ARHGAP26: variants seen among roughly 807,000 people sequenced by gnomAD.
ARHGAP26 encodes rho GTPase-activating protein 26.
ARHGAP26 carries 38 observed loss-of-function variants against 104.8 expected under a neutral mutation model. That is an observed-to-expected ratio of 0.36 (90% CI 0.28 to 0.48). The LOEUF is 0.48. Among genes scored for constraint, ARHGAP26 ranks in the 20% least tolerant of loss-of-function variants. The pLI, the probability that ARHGAP26 is intolerant of heterozygous loss-of-function variation, is 0.99. For synonymous variants in ARHGAP26, 341 were observed against 340.0 expected, an observed-to-expected ratio of 1.00 and a Z score of -0.03; for missense variants, 704 against 947.9, an observed-to-expected ratio of 0.74 and a Z score of 3.38.
intron 6 of ARHGAP26, among the ~76,000 whole-genome samples, chr5:142,896,831 G>T (rs1304684433): frequency 1.3e-5 from 2 of 152,068 alleles, no homozygotes; most frequent in Non-Finnish European, 2.9e-5. Flanking sequence ...TGCAGAATGG[G>T]GATAGTAATA....
At chr5:142,972,033 T>G (rs191860995) in intron 11 of ARHGAP26, among the ~76,000 whole-genome samples, 2 of 152,124 alleles carry the variant, frequency 1.3e-5, no homozygotes, top group Admixed American at 1.3e-4. Flanking sequence ...AATACAAAAA[T>G]TAGCTGGGTG....
At chr5:143,128,400 T>C (rs1442259339) in intron 18 of ARHGAP26, among the ~76,000 whole-genome samples, 1 of 152,238 alleles carries the variant, frequency 6.6e-6, no homozygotes, top group Non-Finnish European at 1.5e-5. Context: ...TACCCTCAGT[T>C]ACTAATGTAA....
chr5:142,922,065 A>G (rs181500735), intron 10 of ARHGAP26: 57 of 152,322 alleles, frequency 3.7e-4, no homozygotes, highest in Middle Eastern at 3.4e-3. Flanking sequence ...CTAGGGTAAG[A>G]TTCCATTTTC....
chr5:143,095,507 G>C (rs1792163650), intron 17 of ARHGAP26, among the ~76,000 whole-genome samples: 1 of 152,134 alleles, frequency 6.6e-6, no homozygotes, highest in Non-Finnish European at 1.5e-5. Flanking sequence ...CAATTTTAAA[G>C]CTTTATTTAT....
At chr5:142,989,836 C>T (rs867621030) in intron 11 of ARHGAP26, among the ~76,000 whole-genome samples, 4 of 152,160 alleles carry the variant, frequency 2.6e-5, no homozygotes, top group South Asian at 2.1e-4. Context: ...GTTAGTCTGA[C>T]GGGCTTCCCT....
Position 143,163,804 on chromosome 5 carries a change from T to C in ARHGAP26, c.1988+16423T>C, listed in dbSNP as rs185036778. 3.3e-5 allele frequency among the ~76,000 whole-genome samples: 5 copies of C among 152,286 alleles called. No homozygotes were observed. In the East Asian group the frequency reaches 7.7e-4, roughly 23 times the overall value. On this transcript the variant is annotated intron_variant, in intron 20 of 22. Coordinates refer to ENST00000645722, the MANE Select transcript of ARHGAP26 (RefSeq NM_001135608.3). ...TTCTCTTGTTCTCCAGGAGGCTTCCTACCTCTCAGACCCTACCAAGCTATG... is the reference window on the plus strand; with the variant it reads ...TTCTCTTGTTCTCCAGGAGGCTTCCCACCTCTCAGACCCTACCAAGCTATG...
At chr5:142,963,196 A>ATGTGTGTGTGTGTGTGTGTGTG (rs1381593823) in intron 11 of ARHGAP26, among the ~76,000 whole-genome samples, 1 of 100,722 alleles carries the variant, frequency 9.9e-6, no homozygotes, top group African/African-American at 6.7e-5. Context: ...ATATATATAT[A>ATGTGTGTGTGTGTGTGTGTGTG]TATGTGTGTG....
intron 20 of ARHGAP26, among the ~76,000 whole-genome samples, chr5:143,163,564 C>T (rs1168415946): frequency 6.6e-6 from 1 of 152,078 alleles, no homozygotes; most frequent in East Asian, 1.9e-4. Flanking sequence ...GACTCTTCTG[C>T]CTCAGCCTCC....
chr5:143,169,911 A>C (rs983426085), intron 20 of ARHGAP26: 6 of 152,138 alleles, frequency 3.9e-5, no homozygotes, highest in Non-Finnish European at 7.4e-5. Context: ...CCCTTTTTTC[A>C]GTCCAAAGGC....
intron 12 of ARHGAP26, among the ~76,000 whole-genome samples, chr5:143,021,517 G>A (rs1780330768): frequency 6.6e-6 from 1 of 152,068 alleles, no homozygotes; most frequent in Non-Finnish European, 1.5e-5. Context: ...ATTCTCTTTG[G>A]GTAGATTCCG....
intron 11 of ARHGAP26, among the ~76,000 whole-genome samples, chr5:142,982,475 T>TA (rs1268736339): frequency 1.3e-5 from 2 of 152,152 alleles, no homozygotes; most frequent in Admixed American, 6.5e-5. Flanking sequence ...TGGACTTTAC[T>TA]AAACAGGAAG....
intron 17 of ARHGAP26, among the ~76,000 whole-genome samples, chr5:143,077,511 C>T (rs147910537): frequency 6.6e-6 from 1 of 152,130 alleles, no homozygotes; most frequent in African/African-American, 2.4e-5. Flanking sequence ...AACCCTCTGC[C>T]ACAAGCCTCC....
chr5:143,162,692 T>G (rs1356820850), intron 20 of ARHGAP26, among the ~76,000 whole-genome samples: 1 of 152,212 alleles, frequency 6.6e-6, no homozygotes, highest in Non-Finnish European at 1.5e-5. Context: ...ATGTTTCCCT[T>G]TGGAGTATGG....
chr5:142,794,882 A>C (rs556403183), intron 1 of ARHGAP26, among the ~76,000 whole-genome samples: 15 of 152,296 alleles, frequency 9.8e-5, no homozygotes, highest in African/African-American at 3.6e-4. Flanking sequence ...TATGATATTT[A>C]CATTTTGGGA....
intron 20 of ARHGAP26, chr5:143,168,681 C>A (rs1278156008): frequency 6.6e-6 from 1 of 152,062 alleles, no homozygotes; most frequent in Non-Finnish European, 1.5e-5. Flanking sequence ...CAGCTTTTAG[C>A]AAAGGCTGTT....
chr5:142,852,953 G>A (rs1402415708), intron 1 of ARHGAP26, among the ~76,000 whole-genome samples: 1 of 152,130 alleles, frequency 6.6e-6, no homozygotes, highest in Non-Finnish European at 1.5e-5. Context: ...TCTCTCTTTT[G>A]CAGAGGCCTG....
chr5:143,011,297 C>A (rs888081599), intron 11 of ARHGAP26, among the ~76,000 whole-genome samples: 10 of 129,016 alleles, frequency 7.8e-5, no homozygotes, highest in African/African-American at 2.3e-4. Context: ...CCACAATAAA[C>A]CCCCGCTTTT....
At chr5:142,963,190 A>ATGTGTGTGTGTG (rs1180388142) in intron 11 of ARHGAP26, among the ~76,000 whole-genome samples, 1 of 100,520 alleles carries the variant, frequency 9.9e-6, no homozygotes, top group African/African-American at 7.2e-5. Context: ...ATATATATAT[A>ATGTGTGTGTGTG]TATATATATG....
intron 1 of ARHGAP26, 62 bp downstream of exon 1, chr5:142,770,977 T>G (rs1235644845): frequency 1.3e-6 from 2 of 1,511,574 alleles, no homozygotes; most frequent in African/African-American, 2.8e-5. Context: ...GAGGTGGCGC[T>G]TAGCCCGGGT....
Sources: allele counts gnomAD v4.1 joint callset (sites outside exome capture counted in the v4.1 genomes callset), GRCh38; gene constraint gnomAD v4.1.1; transcripts MANE v1.5; gene names NCBI Gene and HGNC (gene_info 2026-07-23, HGNC 2026-07-21).